The following ATRX variants were observed in gnomAD, a reference collection of about 807,000 sequenced individuals.
ATRX encodes the protein chromatin remodeler ATRX.
In ATRX, 12 loss-of-function variants were observed where a neutral mutation model predicts 172.6. That is an observed-to-expected ratio of 0.07 (90% CI 0.04 to 0.11). ATRX has a LOEUF of 0.11. ATRX is among the 10% of genes least tolerant of loss of function. ATRX has a pLI of 1.00. For missense variants in ATRX, 1,368 were observed against 1,767.4 expected, an observed-to-expected ratio of 0.77 and a Z score of 4.05; for synonymous variants, 674 against 594.7, an observed-to-expected ratio of 1.13 and a Z score of -1.94.
chrX:77,650,070 T>C (rs1285941004), intron 15 of ATRX, among the ~76,000 whole-genome samples: 1 of 112,250 alleles, frequency 8.9e-6, no homozygotes, highest in African/African-American at 3.2e-5. Flanking sequence ...TCTGGCCACA[T>C]TACAAGAAAG....
intron 1 of ATRX, among the ~76,000 whole-genome samples, chrX:77,745,005 A>G (rs2075008735): frequency 9.3e-6 from 1 of 107,029 alleles, no homozygotes; most frequent in African/African-American, 3.4e-5. Context: ...CAACAACAAC[A>G]ACAACAACAA....
At chrX:77,568,354 C>A (rs782223389) in intron 28 of ATRX, among the ~76,000 whole-genome samples, 2 of 111,236 alleles carry the variant, frequency 1.8e-5, no homozygotes, top group African/African-American at 6.5e-5. Flanking sequence ...ATGAACAATT[C>A]TACACATATA....
At chrX:77,666,066 G>C (rs1255061022) in intron 10 of ATRX, among the ~76,000 whole-genome samples, 3 of 111,904 alleles carry the variant, frequency 2.7e-5, no homozygotes, top group African/African-American at 9.7e-5. Context: ...GCATAGCAAA[G>C]GCATCTAAAT....
chrX:77,621,477 T>TTTTTTTGCA (rs1189374876), intron 19 of ATRX, among the ~76,000 whole-genome samples: 5 of 110,495 alleles, frequency 4.5e-5, no homozygotes, highest in Admixed American at 9.7e-5. Flanking sequence ...GCCTGGCTAA[T>TTTTTTTGCA]TTTTTTGCAT....
At chrX:77,772,959 C>G (rs1214808505) in intron 1 of ATRX, among the ~76,000 whole-genome samples, 3 of 104,736 alleles carry the variant, frequency 2.9e-5, no homozygotes, top group African/African-American at 1.0e-4. Flanking sequence ...AGGATCCTCC[C>G]TCCTCAGCCT....
intron 27 of ATRX, among the ~76,000 whole-genome samples, chrX:77,577,660 G>T (rs961808660): frequency 1.5e-4 from 17 of 111,163 alleles, no homozygotes; most frequent in Non-Finnish European, 7.6e-5. Context: ...GGCCAAGATG[G>T]CTTCAATGCT....
chrX:77,608,368 CAA>C (rs782356472), intron 22 of ATRX, among the ~76,000 whole-genome samples: 12 of 37,830 alleles, frequency 3.2e-4, no homozygotes, highest in Admixed American at 1.1e-3. Context: ...GACCCCGTCT[CAA>C]AAAAAAAAAA....
intron 2 of ATRX, among the ~76,000 whole-genome samples, chrX:77,706,693 A>G (rs1431153113): frequency 9.0e-6 from 1 of 110,562 alleles, no homozygotes; most frequent in Admixed American, 9.7e-5. Context: ...TGAGGCCAGG[A>G]GTTCAAGCTC....
intron 23 of ATRX, 54 bp downstream of exon 23, chrX:77,600,380 T>C: frequency 8.4e-7 from 1 of 1,195,786 alleles, no homozygotes; most frequent in Non-Finnish European, 1.1e-6. Flanking sequence ...CAATTTTTTG[T>C]CTAAGTTTAT....
chrX:77,764,369 G>A (rs1557194405), intron 1 of ATRX, among the ~76,000 whole-genome samples: 1 of 111,554 alleles, frequency 9.0e-6, no homozygotes, highest in East Asian at 2.8e-4. Context: ...GACATGTCAT[G>A]AACTTAGGAT....
intron 19 of ATRX, among the ~76,000 whole-genome samples, chrX:77,632,337 T>C (rs189286987): frequency 8.5e-4 from 95 of 111,653 alleles, no homozygotes; most frequent in African/African-American, 3.1e-3. Flanking sequence ...GGAAAAAATC[T>C]GCTACAATGA....
intron 33 of ATRX, 94 bp downstream of exon 33, chrX:77,521,307 TTA>T: frequency 1.5e-6 from 1 of 680,595 alleles, no homozygotes; most frequent in Non-Finnish European, 2.3e-6. Flanking sequence ...GCAAATCAAT[TTA>T]TAAGAAGGAA....
chrX:77,732,923 G>A (rs1466138565), intron 1 of ATRX, among the ~76,000 whole-genome samples: 2 of 111,405 alleles, frequency 1.8e-5, no homozygotes, highest in Non-Finnish European at 3.8e-5. Flanking sequence ...CCTAGCTACA[G>A]CAACCAGACA....
chrX:77,615,184 A>C lies in ATRX; in HGVS notation c.5566+1429T>G, dbSNP rs1032800504. Among the ~76,000 whole-genome samples the C allele has an allele frequency of 2.7e-5, 3 of 110,730 alleles. No homozygotes were observed. In the Admixed American group the frequency reaches 2.9e-4, roughly 11 times the overall value. On this transcript the variant is annotated intron_variant, in intron 22 of 34. Coordinates refer to ENST00000373344, the MANE Select transcript of ATRX (RefSeq NM_000489.6). ...CGGCTAATTTTTTGATTTTTCGTGG[A>C]GATAAGGTTTCACTATGCTGCCCAG...
rs782297684 is a variant in ATRX, at chrX:77,667,295, ATGTGTGTGTG to A, written c.3810-2527_3810-2518del. ...ATAATGAATTTTGGGACGAATAAATATGTGTGTGTGTGTGTGTGTGTGTGTGTGTGTGTGT... is the reference window on the plus strand; with the variant it reads ...ATAATGAATTTTGGGACGAATAAATATGTGTGTGTGTGTGTGTGTGTGTGT... On this transcript the variant is annotated intron_variant, in intron 10 of 34. Transcript: ENST00000373344. Among the ~76,000 whole-genome samples the A allele has an allele frequency of 6.9e-3, 611 of 89,007 alleles. 2 individuals are homozygous for A. The highest frequency in any genetic ancestry group is 0.017 in the Middle Eastern group (3 of 180). 77.3% of individuals were successfully genotyped at this position (89,007 alleles called of 115,157 possible).
At position 77,505,499 on chromosome X, in the gene ATRX, T is replaced by G. The variant is rs1342714277; in HGVS notation, c.*2852A>C. The G allele has an allele frequency of 1.2e-5, 2 of 173,056 alleles. No homozygotes were observed. Among genetic ancestry groups the G allele is most frequent in the Admixed American group, 8.0e-5 (1 of 12,488 alleles). 14.3% of individuals were successfully genotyped at this position (173,056 alleles called of 1,213,427 possible). On this transcript the variant is annotated 3_prime_UTR_variant, in exon 35 of 35. Coordinates refer to ENST00000373344, the MANE Select transcript of ATRX (RefSeq NM_000489.6). ...AAACTAACACAAACACACATGGACT[T>G]CCTGGTATGTAAATTCTTTTTGAGA... is the stretch of plus-strand genomic sequence containing the variant.
chrX:77,740,235 C>T (rs186983614), intron 1 of ATRX, among the ~76,000 whole-genome samples: 67 of 109,026 alleles, frequency 6.1e-4, no homozygotes, highest in Non-Finnish European at 5.7e-4. Context: ...CAAGGCAAAC[C>T]ACCACCAAAA....
chrX:77,670,528 G>A (rs1201556482), intron 10 of ATRX, among the ~76,000 whole-genome samples: 1 of 111,565 alleles, frequency 9.0e-6, no homozygotes, highest in Non-Finnish European at 1.9e-5. Context: ...GCCAAGGCAG[G>A]CAAATAACCT....
In ATRX at chrX:77,570,804, A is replaced by G. The variant is rs927912376; in HGVS notation, c.6326+3446T>C. On this transcript the variant is annotated intron_variant, in intron 28 of 34. Coordinates refer to ENST00000373344, the MANE Select transcript of ATRX (RefSeq NM_000489.6). ...CTGGCAGGAAGTATTTGCAAACCAT[A>G]TATCTGACAAAGGACACATATCTAG... Among the ~76,000 whole-genome samples the G allele has an allele frequency of 3.0e-4, 34 of 112,042 alleles. 1 individual carries two copies. Among genetic ancestry groups the G allele is most frequent in the Admixed American group, 3.0e-3 (32 of 10,549 alleles).
Sources: allele counts gnomAD v4.1 joint callset (sites outside exome capture counted in the v4.1 genomes callset), GRCh38; gene constraint gnomAD v4.1.1; transcripts MANE v1.5; gene names NCBI Gene and HGNC (gene_info 2026-07-23, HGNC 2026-07-21).